Variants in CA10 observed in about 807,000 individuals in gnomAD.
CA10 encodes the protein carbonic anhydrase 10 (inactive).
CA10 carries 14 observed loss-of-function variants against 44.2 expected under a neutral mutation model. That is an observed-to-expected ratio of 0.32 (90% CI 0.21 to 0.50). CA10 has a LOEUF of 0.50. Ranked by LOEUF, CA10 falls within the 20% of genes least tolerant of loss-of-function variation. The pLI is 0.99. For missense variants in CA10, 350 were observed against 409.7 expected, an observed-to-expected ratio of 0.85 and a Z score of 1.26; for synonymous variants, 159 against 141.6, an observed-to-expected ratio of 1.12 and a Z score of -0.87.
At chr17:51,923,145 T>C (rs1032886206) in intron 3 of CA10, among the ~76,000 whole-genome samples, 3 of 152,176 alleles carry the variant, frequency 2.0e-5, no homozygotes, top group Non-Finnish European at 2.9e-5. Flanking sequence ...AAGACAGCTA[T>C]TGAGTTTTAA....
chr17:51,805,633 C>T (rs1381478019), intron 3 of CA10, among the ~76,000 whole-genome samples: 2 of 152,104 alleles, frequency 1.3e-5, no homozygotes, highest in Admixed American at 1.3e-4. Context: ...ATTTACATAC[C>T]ATAAAATTCA....
chr17:52,016,785 T>C (rs1172274506), intron 2 of CA10, among the ~76,000 whole-genome samples: 1 of 152,054 alleles, frequency 6.6e-6, no homozygotes, highest in African/African-American at 2.4e-5. Context: ...TGGTGGCACA[T>C]GCCTGTAATC....
rs537053581 is a variant in CA10, at chr17:52,045,787, A to G, written c.136+26532T>C. On this transcript the variant is annotated intron_variant, in intron 2 of 8. Transcript: ENST00000451037. Reference sequence around the variant, plus strand: ...GACATGTATTTTAAAACTCCACCAAATAACAGCACTATATGCATTCATTTC... The same window carrying G: ...GACATGTATTTTAAAACTCCACCAAGTAACAGCACTATATGCATTCATTTC... Among the ~76,000 whole-genome samples the G allele has an allele frequency of 4.6e-5, 7 of 152,118 alleles. No homozygotes were observed. In the Middle Eastern group the frequency reaches 0.014, roughly 296 times the overall value.
chr17:52,011,064 A>G (rs921402928), intron 2 of CA10, among the ~76,000 whole-genome samples: 1 of 151,900 alleles, frequency 6.6e-6, no homozygotes, highest in Non-Finnish European at 1.5e-5. Context: ...TGGGGAAGTT[A>G]CTTAGCCCTT....
chr17:51,754,619 T>C (rs949614850), intron 3 of CA10, among the ~76,000 whole-genome samples: 2 of 151,576 alleles, frequency 1.3e-5, no homozygotes, highest in Admixed American at 6.6e-5. Context: ...CTTGAGGCCT[T>C]CCACTGATTG....
At chr17:51,829,163 G>T (rs186628190) in intron 3 of CA10, among the ~76,000 whole-genome samples, 328 of 152,290 alleles carry the variant, frequency 2.2e-3, no homozygotes, top group Non-Finnish European at 3.9e-3. Flanking sequence ...TGTACTGTTT[G>T]GTTGTTTACA....
At chr17:52,002,441 C>A (rs1985457147) in intron 2 of CA10, among the ~76,000 whole-genome samples, 1 of 151,672 alleles carries the variant, frequency 6.6e-6, no homozygotes, top group South Asian at 2.1e-4. Flanking sequence ...AAAGAAGTGA[C>A]CAGCCTGGGG....
At chr17:51,762,857 G>A (rs147632043) in intron 3 of CA10, 34 of 152,208 alleles carry the variant, frequency 2.2e-4, no homozygotes, top group Non-Finnish European at 3.5e-4. Context: ...ACACTTTTCC[G>A]AGGAAATAAT....
At chr17:51,904,233 G>C (rs1981444179) in intron 3 of CA10, among the ~76,000 whole-genome samples, 2 of 151,928 alleles carry the variant, frequency 1.3e-5, no homozygotes, top group South Asian at 2.1e-4. Context: ...TTCTTAGAAG[G>C]TCATGTTGAC....
At chr17:51,904,473 G>A (rs542664177) in intron 3 of CA10, among the ~76,000 whole-genome samples, 6 of 152,168 alleles carry the variant, frequency 3.9e-5, no homozygotes, top group Admixed American at 3.9e-4. Flanking sequence ...AGCGCAAGAA[G>A]AGTCCCCCAG....
intron 4 of CA10, among the ~76,000 whole-genome samples, chr17:51,746,338 T>C (rs1904687599): frequency 6.6e-6 from 1 of 152,236 alleles, no homozygotes; most frequent in Non-Finnish European, 1.5e-5. Context: ...ATTTTTAAAA[T>C]GGAGGTGTCT....
chr17:52,064,418 A>G (rs1426725659), intron 2 of CA10, among the ~76,000 whole-genome samples: 1 of 152,152 alleles, frequency 6.6e-6, no homozygotes, highest in Non-Finnish European at 1.5e-5. Flanking sequence ...GGTACCACTT[A>G]CTCCATGAAT....
chr17:51,853,190 C>T (rs532568912), intron 3 of CA10, among the ~76,000 whole-genome samples: 7 of 152,014 alleles, frequency 4.6e-5, no homozygotes, highest in South Asian at 4.2e-4. Context: ...TTTTTAAAGT[C>T]CCAATGATGA....
intron 2 of CA10, among the ~76,000 whole-genome samples, chr17:51,962,731 A>C (rs1450634617): frequency 6.6e-6 from 1 of 152,068 alleles, no homozygotes; most frequent in African/African-American, 2.4e-5. Context: ...GAAAGAAAAA[A>C]CCCGCTAATG....
At chr17:52,016,104 G>C (rs1985960351) in intron 2 of CA10, among the ~76,000 whole-genome samples, 1 of 152,066 alleles carries the variant, frequency 6.6e-6, no homozygotes, top group Non-Finnish European at 1.5e-5. Flanking sequence ...ATTGGAGTTT[G>C]CTGCCATAGC....
At chr17:51,673,816 T>C (rs1317793323) in intron 4 of CA10, among the ~76,000 whole-genome samples, 1 of 152,226 alleles carries the variant, frequency 6.6e-6, no homozygotes, top group Non-Finnish European at 1.5e-5. Flanking sequence ...CAGGCTCTTT[T>C]ATCCGGCCTG....
At chr17:52,130,000 C>T (rs891731844) in intron 1 of CA10, among the ~76,000 whole-genome samples, 10 of 152,030 alleles carry the variant, frequency 6.6e-5, no homozygotes, top group South Asian at 2.1e-4. Context: ...CCTGAATAGA[C>T]GTTTTTCAAA....
chr17:52,151,126 C>A (rs1449393662), intron 1 of CA10, among the ~76,000 whole-genome samples: 1 of 152,056 alleles, frequency 6.6e-6, no homozygotes, highest in African/African-American at 2.4e-5. Flanking sequence ...CTGATTACGT[C>A]ATTTTCCTTA....
At chr17:52,101,882 A>T (rs1316236215) in intron 1 of CA10, among the ~76,000 whole-genome samples, 1 of 152,200 alleles carries the variant, frequency 6.6e-6, no homozygotes, top group Non-Finnish European at 1.5e-5. Flanking sequence ...CACCTAAATT[A>T]ATAAATTTCT....
Sources: gnomAD v4.1 joint callset for allele counts (sites outside exome capture counted in the v4.1 genomes callset) on GRCh38, gnomAD v4.1.1 for gene constraint, MANE v1.5 for transcripts, NCBI Gene and HGNC (gene_info 2026-07-23, HGNC 2026-07-21) for gene names.